KIAA1671: variants seen among roughly 807,000 people sequenced by gnomAD.
KIAA1671 encodes KIAA1671, also known as uncharacterized protein KIAA1671.
KIAA1671 carries 52 observed loss-of-function variants against 131.2 expected under a neutral mutation model. That is an observed-to-expected ratio of 0.40 (90% confidence interval 0.32 to 0.50). The LOEUF (loss-of-function observed/expected upper bound fraction) is 0.50. KIAA1671 is among the 20% of genes least tolerant of loss of function. KIAA1671 has a pLI of 0.73. For missense variants in KIAA1671, 2,360 were observed against 2,364.2 expected (o/e 1.00, Z 0.04); for synonymous variants, 1,003 against 961.6 (o/e 1.04, Z -0.80).
At chr22:25,071,372 G>A (rs1021518976) in intron 6 of KIAA1671, among the ~76,000 whole-genome samples, 4 of 152,108 alleles carry the variant, frequency 2.6e-5, no homozygotes, top group South Asian at 4.2e-4. Flanking sequence ...CCTTTTAGCC[G>A]CCAGTCCCAG....
chr22:25,044,007 C>T (rs911262789), intron 5 of KIAA1671, among the ~76,000 whole-genome samples: 3 of 123,386 alleles, frequency 2.4e-5, no homozygotes, highest in South Asian at 2.3e-4. Context: ...CTCTAGGATA[C>T]AGTCAGTAAT....
At chr22:25,163,297 C>T (rs1234706247) in intron 6 of KIAA1671, among the ~76,000 whole-genome samples, 1 of 145,620 alleles carries the variant, frequency 6.9e-6, no homozygotes, top group African/African-American at 2.6e-5. Flanking sequence ...TCACTGCACT[C>T]CAGCCTGGGT....
At chr22:24,953,939 C>G (rs1003858090) in intron 1 of KIAA1671, among the ~76,000 whole-genome samples, 1 of 152,074 alleles carries the variant, frequency 6.6e-6, no homozygotes, top group Non-Finnish European at 1.5e-5. Flanking sequence ...CTATCTGAAT[C>G]CAGATGGGGA....
intron 3 of KIAA1671, among the ~76,000 whole-genome samples, chr22:25,031,175 C>T (rs1249156564): frequency 6.7e-5 from 10 of 149,248 alleles, no homozygotes; most frequent in Admixed American, 2.7e-4. Context: ...TACAGGCACG[C>T]GCCACCACAC....
At chr22:24,977,961 C>T (rs2123824429) in intron 1 of KIAA1671, among the ~76,000 whole-genome samples, 1 of 152,292 alleles carries the variant, frequency 6.6e-6, no homozygotes, top group South Asian at 2.1e-4. Context: ...CTCAGGGCTC[C>T]AGCAGGGTGT....
At chr22:25,115,570 C>T (rs117555344) in intron 6 of KIAA1671, among the ~76,000 whole-genome samples, 2 of 152,084 alleles carry the variant, frequency 1.3e-5, no homozygotes, top group East Asian at 1.9e-4. Flanking sequence ...AATAAATGTT[C>T]GTTCCACGTT....
intron 8 of KIAA1671, chr22:25,175,994 G>A (rs1298207296): frequency 6.6e-6 from 1 of 152,256 alleles, no homozygotes; most frequent in Non-Finnish European, 1.5e-5. Context: ...GGCGGAGGCG[G>A]AGCACTAAGG....
intron 1 of KIAA1671, among the ~76,000 whole-genome samples, chr22:25,015,636 G>A (rs982782075): frequency 2.0e-5 from 3 of 152,204 alleles, no homozygotes; most frequent in Admixed American, 6.5e-5. Flanking sequence ...TAAAGGTTCT[G>A]AAAAGTCCTG....
chr22:25,004,544 T>C (rs5760793), intron 1 of KIAA1671, among the ~76,000 whole-genome samples: 85,032 of 152,140 alleles, frequency 0.56, 23,945 homozygotes, highest in East Asian at 0.77. Context: ...TCTCCCATCC[T>C]TGTCCCTCCA....
rs572051256 is a variant in KIAA1671, at chr22:25,149,928, T to C, written c.4531-20892T>C. On this transcript the variant is annotated intron_variant, in intron 6 of 12. Coordinates refer to ENST00000358431, the MANE Select transcript of KIAA1671 (RefSeq NM_001145206.2). ...CTCCAGGAAGCCTTCCCTGACCCCC[T>C]CCCCATGCCCTTCGTCTGTGTTGCA... is the stretch of plus-strand genomic sequence containing the variant. Among the ~76,000 whole-genome samples the C allele has an allele frequency of 2.0e-5, 3 of 152,182 alleles. No individual in the cohort carries two copies. The East Asian group carries it at 5.8e-4, about 29-fold the overall frequency.
chr22:25,112,022 T>C (rs921710184), intron 6 of KIAA1671: 9 of 393,744 alleles, frequency 2.3e-5, no homozygotes, highest in African/African-American at 1.4e-4. Context: ...TTACCCTTGG[T>C]TTGCCTGAAG....
At chr22:25,118,834 G>T (rs1166566024) in intron 6 of KIAA1671, among the ~76,000 whole-genome samples, 1 of 151,940 alleles carries the variant, frequency 6.6e-6, no homozygotes, top group Non-Finnish European at 1.5e-5. Flanking sequence ...CCTGCTCTTC[G>T]TCAGTCACCC....
At chr22:24,993,492 G>A (rs2123850642) in intron 1 of KIAA1671, among the ~76,000 whole-genome samples, 1 of 152,298 alleles carries the variant, frequency 6.6e-6, no homozygotes, top group South Asian at 2.1e-4. Context: ...AGGTCATTCA[G>A]CTGATAGGTC....
At position 25,174,363 on chromosome 22, in the gene KIAA1671, C is replaced by T. The variant is rs1933951907; in HGVS notation, c.4773C>T (p.Ser1591=). 6.4e-7 allele frequency: 1 copy of T among 1,551,932 alleles called. No homozygotes were observed. The highest frequency in any genetic ancestry group is 8.7e-7 in the Non-Finnish European group (1 of 1,147,100). ...PTSAGDQYDC[S]RDQRSTSVDH... Reference sequence around the variant, plus strand: ...CGGCAGGGGACCAGTATGACTGCTCCAGGGACCAGCGGAGCACCAGCGTGG... The same window carrying T: ...CGGCAGGGGACCAGTATGACTGCTCTAGGGACCAGCGGAGCACCAGCGTGG... Residue 1591 remains serine, a synonymous_variant, in exon 8 of 13, where the codon TCC becomes TCT. Coordinates refer to ENST00000358431, the MANE Select transcript of KIAA1671 (RefSeq NM_001145206.2).
At chr22:25,117,585 C>CCACCCA (rs1931731177) in intron 6 of KIAA1671, among the ~76,000 whole-genome samples, 1 of 123,836 alleles carries the variant, frequency 8.1e-6, no homozygotes, top group East Asian at 2.4e-4. Flanking sequence ...TCTCCCCCAA[C>CCACCCA]CACACACACA....
At chr22:25,009,838 C>G (rs1924942049) in intron 1 of KIAA1671, 1 of 152,340 alleles carries the variant, frequency 6.6e-6, no homozygotes, top group African/African-American at 2.4e-5. Context: ...CTCCTCGGGG[C>G]CTCCCAAAGT....
chr22:25,136,245 C>T (rs1043942954), intron 6 of KIAA1671, among the ~76,000 whole-genome samples: 1 of 151,814 alleles, frequency 6.6e-6, no homozygotes, highest in Admixed American at 6.6e-5. Flanking sequence ...AACACCCCCT[C>T]CTCTCTCTCT....
chr22:25,166,304 T>C (rs1316935106), intron 6 of KIAA1671, among the ~76,000 whole-genome samples: 1 of 152,116 alleles, frequency 6.6e-6, no homozygotes, highest in East Asian at 1.9e-4. Flanking sequence ...TCCCTGACTC[T>C]TGGAGAGTTC....
At chr22:25,071,609 C>CCCGCCACTGCACTCCAGCCT (rs1273839356) in intron 6 of KIAA1671, among the ~76,000 whole-genome samples, 4 of 151,850 alleles carry the variant, frequency 2.6e-5, no homozygotes, top group South Asian at 2.1e-4. Flanking sequence ...CTCCAATAAT[C>CCCGCCACTGCACTCCAGCCT]GTATTTTTGA....
Sources: allele counts gnomAD v4.1 joint callset (sites outside exome capture counted in the v4.1 genomes callset), GRCh38; gene constraint gnomAD v4.1.1; transcripts MANE v1.5; gene names NCBI Gene and HGNC (gene_info 2026-07-23, HGNC 2026-07-21).